Variants in CAMSAP1 observed in about 807,000 individuals in gnomAD.
The protein encoded by CAMSAP1 is calmodulin regulated spectrin associated protein 1, also known as calmodulin-regulated spectrin-associated protein 1.
A neutral mutation model predicts 143.5 loss-of-function variants in CAMSAP1; 58 were observed. The ratio of observed to expected loss-of-function variants is 0.40; its 90% CI spans 0.33 to 0.50. CAMSAP1 has a LOEUF of 0.50. Ranked by LOEUF, CAMSAP1 falls within the 20% of genes least tolerant of loss-of-function variation. The pLI is 0.45. For missense variants in CAMSAP1, 1,969 were observed against 2,115.7 expected, an observed-to-expected ratio of 0.93 and a Z score of 1.36; for synonymous variants, 945 against 859.3, an observed-to-expected ratio of 1.10 and a Z score of -1.74.
intron 7 of CAMSAP1, among the ~76,000 whole-genome samples, chr9:135,840,411 C>T (rs904590969): frequency 2.0e-5 from 3 of 152,240 alleles, no homozygotes; most frequent in African/African-American, 7.2e-5. Context: ...AGAGGAGCCC[C>T]GCAAGAAGAA....
intron 7 of CAMSAP1, among the ~76,000 whole-genome samples, chr9:135,842,803 T>C (rs1836404761): frequency 2.0e-5 from 3 of 152,100 alleles, no homozygotes; most frequent in Admixed American, 2.0e-4. Flanking sequence ...AGAGATTTTG[T>C]CACCACCAGG....
intron 1 of CAMSAP1, among the ~76,000 whole-genome samples, chr9:135,890,444 C>T (rs572264072): frequency 2.6e-5 from 4 of 152,218 alleles, no homozygotes; most frequent in Admixed American, 1.3e-4. Context: ...CCCCTGAGGG[C>T]GCCTGGGAGG....
Position 135,818,409 on chromosome 9 carries a change from G to T in CAMSAP1, c.4167C>A (p.Thr1389=). ...CSDSGTKCSS[T]PDNLSRTQSG... The stretch of plus-strand genomic sequence containing the variant: ...CGCGTGAGGGCCGGGGCTGCTTACG[G>T]GTGGAGGAGCACTTGGTGCCGGAGT... The change falls in exon 13 of 17, where the codon ACC becomes ACA. Residue 1389 remains threonine (T), a splice_region_variant and synonymous_variant. Transcript: ENST00000389532. This position sits in a 1 kb window ranked among gnomAD's most constrained non-coding sequence, Gnocchi z 7.7. The T allele has an allele frequency of 6.3e-7, 1 of 1,576,614 alleles. No homozygotes were observed. The highest frequency in any genetic ancestry group is 1.1e-5 in the South Asian group (1 of 87,112).
Position 135,824,643 on chromosome 9 carries a change from G to T in CAMSAP1, c.1315+146C>A. Reference sequence around the variant, plus strand: ...TCGCGCCACAGCACTTCAGCCTGGTGACAGAGCAAGACTCCATCTCAAAAA... The same window carrying T: ...TCGCGCCACAGCACTTCAGCCTGGTTACAGAGCAAGACTCCATCTCAAAAA... On this transcript the variant is annotated intron_variant, in intron 9 of 16. Coordinates refer to ENST00000389532, the MANE Select transcript of CAMSAP1 (RefSeq NM_015447.4). The surrounding 1 kb of genome is among the most constrained non-coding windows in gnomAD (Gnocchi z 4.1). 1 of 637,802 alleles carries T rather than the reference G, an allele frequency of 1.6e-6. No homozygotes were observed. The allele number at this position is 637,802 out of a possible 1,614,324, so 39.5% of individuals were successfully genotyped here. A position where few individuals can be genotyped will look rare whatever the true frequency, so the allele number is the denominator to read the frequency against.
intron 1 of CAMSAP1, among the ~76,000 whole-genome samples, chr9:135,899,118 C>T (rs1175220453): frequency 6.6e-6 from 1 of 152,174 alleles, no homozygotes; most frequent in Non-Finnish European, 1.5e-5. Context: ...CAGAGCAGAG[C>T]AGTGAAGCCC....
In CAMSAP1 at chr9:135,907,194, C is replaced by T. The variant is rs1261256062; in HGVS notation, c.-35G>A. The T allele has an allele frequency of 9.4e-7, 1 of 1,060,904 alleles. No homozygotes were observed. The highest frequency in any genetic ancestry group is 1.7e-5 in the African/African-American group (1 of 58,204). 65.7% of individuals were successfully genotyped at this position (1,060,904 alleles called of 1,614,324 possible). A position where few individuals can be genotyped will look rare whatever the true frequency, so the allele number is the denominator to read the frequency against. On this transcript the variant is annotated 5_prime_UTR_variant, in exon 1 of 17. Transcript: ENST00000389532. Reference sequence around the variant, plus strand: ...AAGGGCTGAGGCGGCGGCCCGGCCGCAACAAAGGCGCCGCCGCCCCTCGCC... The same window carrying T: ...AAGGGCTGAGGCGGCGGCCCGGCCGTAACAAAGGCGCCGCCGCCCCTCGCC...
chr9:135,845,174 A>C (rs755802348), intron 7 of CAMSAP1, among the ~76,000 whole-genome samples: 48 of 152,234 alleles, frequency 3.2e-4, no homozygotes, highest in Non-Finnish European at 5.9e-4. Flanking sequence ...CACCACGATC[A>C]AGTTGGCTTC....
chr9:135,850,790 G>A (rs1006840824), intron 5 of CAMSAP1, among the ~76,000 whole-genome samples: 4 of 152,214 alleles, frequency 2.6e-5, no homozygotes, highest in Non-Finnish European at 5.9e-5. Context: ...CACGTAGCGA[G>A]TAAATGTTGA....
chr9:135,822,512 C>T lies in CAMSAP1; in HGVS notation c.2149G>A (p.Val717Ile). Residue 717 changes from valine to isoleucine, a missense_variant, in exon 11 of 17, where the codon GTT (valine) becomes ATT (isoleucine). This residue lies in a region of CAMSAP1 where 1,390 missense variants were observed against 1,420.8 expected (regional missense o/e 0.98). Coordinates refer to ENST00000389532, the MANE Select transcript of CAMSAP1 (RefSeq NM_015447.4). The surrounding 1 kb of genome is among the most constrained non-coding windows in gnomAD (Gnocchi z 6.1). ...ADEDTEGRLYVSCSKSPNSHD... is the reference protein window; with the variant it reads ...ADEDTEGRLYISCSKSPNSHD... The stretch of plus-strand genomic sequence containing the variant: ...GAGTTGGGGCTTTTTGAACAACTAA[C>T]ATATAACCTTCCCTCGGTGTCTTCA... 1 of 1,613,892 alleles carries T rather than the reference C, an allele frequency of 6.2e-7. No individual in the cohort carries two copies. The highest frequency in any genetic ancestry group is 1.1e-5 in the South Asian group (1 of 91,082).
At chr9:135,900,736 C>T (rs532123203) in intron 1 of CAMSAP1, among the ~76,000 whole-genome samples, 1 of 151,900 alleles carries the variant, frequency 6.6e-6, no homozygotes, top group Non-Finnish European at 1.5e-5. Flanking sequence ...TCAGGAAAGC[C>T]AGAAATAAAA....
At chr9:135,877,305 G>A (rs926860465) in intron 3 of CAMSAP1, among the ~76,000 whole-genome samples, 12 of 151,774 alleles carry the variant, frequency 7.9e-5, no homozygotes, top group African/African-American at 2.9e-4. Context: ...CTAATCCACC[G>A]TGAAGATGGC....
Position 135,821,901 on chromosome 9 carries a change from C to T in CAMSAP1, c.2760G>A (p.Lys920=), listed in dbSNP as rs766773668. The T allele has an allele frequency of 6.2e-7, 1 of 1,613,924 alleles. No individual in the cohort carries two copies. Among genetic ancestry groups the T allele is most frequent in the East Asian group, 2.2e-5 (1 of 44,876 alleles). The part of the protein sequence containing the change: ...LGKAAFLHVV[K]KGKAEAAPPL... ...GTGGGGCAGCCTCGGCCTTGCCCTT[C>T]TTCACCACATGCAGGAATGCAGCCT... is the stretch of plus-strand genomic sequence containing the variant. The change falls in exon 11 of 17, where the codon AAG becomes AAA. Residue 920 remains lysine, a synonymous_variant. Transcript: ENST00000389532. This position sits in a 1 kb window ranked among gnomAD's most constrained non-coding sequence, Gnocchi z 4.6.
chr9:135,865,195 A>G, intron 4 of CAMSAP1: 1 of 813,164 alleles, frequency 1.2e-6, no homozygotes, highest in Non-Finnish European at 2.0e-6. Context: ...CTTGTACTAT[A>G]TAAATAACTC....
At chr9:135,869,385 C>A (rs917683366) in intron 3 of CAMSAP1, among the ~76,000 whole-genome samples, 1 of 151,936 alleles carries the variant, frequency 6.6e-6, no homozygotes, top group Non-Finnish European at 1.5e-5. Context: ...CACCTGTAAT[C>A]CTAGCTACTT....
chr9:135,847,544 T>C (rs1836599681), intron 7 of CAMSAP1, among the ~76,000 whole-genome samples: 1 of 151,230 alleles, frequency 6.6e-6, no homozygotes, highest in South Asian at 2.1e-4. Context: ...GATGAGTTCA[T>C]ATCCTTTGCA....
chr9:135,856,074 C>G (rs1227924387), intron 5 of CAMSAP1, among the ~76,000 whole-genome samples: 1 of 152,000 alleles, frequency 6.6e-6, no homozygotes, highest in East Asian at 1.9e-4. Context: ...AAAAATAAAA[C>G]AAAAACAAAA....
In CAMSAP1 at chr9:135,882,712, C is replaced by T; in HGVS notation, c.423+104G>A. 2 of 1,370,928 alleles carry T rather than the reference C, an allele frequency of 1.5e-6. No homozygotes were observed. The highest frequency in any genetic ancestry group is 1.9e-6 in the Non-Finnish European group (2 of 1,027,326). The allele number at this position is 1,370,928 out of a possible 1,614,324, so 84.9% of individuals were successfully genotyped here. On this transcript the variant is annotated intron_variant, in intron 2 of 16. Coordinates refer to ENST00000389532, the MANE Select transcript of CAMSAP1 (RefSeq NM_015447.4). This position sits in a 1 kb window ranked among gnomAD's most constrained non-coding sequence, Gnocchi z 4.9. The stretch of plus-strand genomic sequence containing the variant: ...GTGCAAAAGCACGGGTCTCCACCAC[C>T]TCGCCGCACACCGTGTTCACACCAT...
Position 135,808,797 on chromosome 9 carries a change from T to C in CAMSAP1, c.*2512A>G, listed in dbSNP as rs2131624370. 6.6e-6 allele frequency: 1 copy of C among 152,228 alleles called. No individual in the cohort carries two copies. The highest frequency in any genetic ancestry group is 1.9e-4 in the East Asian group (1 of 5,200). 9.4% of individuals were successfully genotyped at this position (152,228 alleles called of 1,614,324 possible). On this transcript the variant is annotated 3_prime_UTR_variant, in exon 17 of 17. Coordinates refer to ENST00000389532, the MANE Select transcript of CAMSAP1 (RefSeq NM_015447.4). Reference sequence around the variant, plus strand: ...CGTAAAATAATGGGACTCACGCAAGTTTCATTTCTCTTTCAACCCTTCTGG... The same window carrying C: ...CGTAAAATAATGGGACTCACGCAAGCTTCATTTCTCTTTCAACCCTTCTGG...
intron 1 of CAMSAP1, among the ~76,000 whole-genome samples, chr9:135,901,668 T>C (rs1382048833): frequency 6.6e-6 from 1 of 151,970 alleles, no homozygotes; most frequent in Non-Finnish European, 1.5e-5. Flanking sequence ...CCTAACGACA[T>C]CAACTCTCAG....
Sources: gnomAD v4.1 joint callset for allele counts (sites outside exome capture counted in the v4.1 genomes callset) on GRCh38, gnomAD v4.1.1 for gene constraint, gnomAD v4.1.1 regional missense constraint, Gnocchi (gnomAD v3.1) non-coding constraint, MANE v1.5 for transcripts, NCBI Gene and HGNC (gene_info 2026-07-23, HGNC 2026-07-21) for gene names.